Variants in LIMCH1 observed in about 807,000 individuals in gnomAD.
LIMCH1 encodes the protein LIM and calponin homology domains 1.
Under a neutral mutation model 176.5 loss-of-function variants are expected in LIMCH1, and 113 were observed. The observed-to-expected ratio is 0.64, with a 90% CI of 0.55 to 0.75. The LOEUF (loss-of-function observed/expected upper bound fraction) is 0.75. Among genes scored for constraint, LIMCH1 ranks in the 30% least tolerant of loss-of-function variants. LIMCH1 has a pLI of 0.00. For synonymous variants in LIMCH1, 619 were observed against 645.9 expected, an observed-to-expected ratio of 0.96 and a Z score of 0.63; for missense variants, 1,674 against 1,814.9, an observed-to-expected ratio of 0.92 and a Z score of 1.41.
chr4:41,621,834 G>T lies in LIMCH1; in HGVS notation c.725+1144G>T, dbSNP rs146045156. Among the ~76,000 whole-genome samples the T allele has an allele frequency of 6.7e-3, 1,026 of 152,252 alleles. 22 individuals are homozygous for T. The highest frequency in any genetic ancestry group is 0.023 in the African/African-American group (975 of 41,520). The stretch of plus-strand genomic sequence containing the variant: ...ACCGACCTGGTGATCAGATTCGGAT[G>T]CTCTGACCACAGCACCACATCTGCC... On this transcript the variant is annotated intron_variant, in intron 7 of 31. Transcript: ENST00000503057.
At chr4:41,405,017 C>CT in intron 1 of LIMCH1, among the ~76,000 whole-genome samples, 1 of 151,938 alleles carries the variant, frequency 6.6e-6, no homozygotes, top group East Asian at 1.9e-4. Context: ...TTTTTTCTGT[C>CT]TTGTCAATTT....
chr4:41,624,061 G>C (rs2092773295), intron 7 of LIMCH1, among the ~76,000 whole-genome samples: 1 of 152,134 alleles, frequency 6.6e-6, no homozygotes, highest in African/African-American at 2.4e-5. Context: ...TTTTTAAGAG[G>C]ATAAAATAAG....
Position 41,620,411 on chromosome 4 carries a change from T to C in LIMCH1, c.459-13T>C. On this transcript the variant is annotated splice_polypyrimidine_tract_variant and intron_variant, in intron 6 of 31. Transcript: ENST00000503057. ...TCTGTTAGTTTGGTAAACCATATTG[T>C]CCAACTCACTAGCTTTCCTGAAACG... The C allele has an allele frequency of 6.5e-7, 1 of 1,534,418 alleles. No homozygotes were observed. The highest frequency in any genetic ancestry group is 8.7e-7 in the Non-Finnish European group (1 of 1,146,072).
intron 1 of LIMCH1, among the ~76,000 whole-genome samples, chr4:41,383,215 G>A (rs2055979400): frequency 6.6e-6 from 1 of 152,216 alleles, no homozygotes. Context: ...TGTTTGGTCT[G>A]GAGGTAGGTG....
At chr4:41,404,151 A>G (rs2058732192) in intron 1 of LIMCH1, among the ~76,000 whole-genome samples, 1 of 152,140 alleles carries the variant, frequency 6.6e-6, no homozygotes, top group Admixed American at 6.5e-5. Flanking sequence ...TGCTCATGCT[A>G]TATATCCAAT....
chr4:41,620,898 G>A (rs1382053798), intron 7 of LIMCH1, among the ~76,000 whole-genome samples: 1 of 152,244 alleles, frequency 6.6e-6, no homozygotes, highest in Non-Finnish European at 1.5e-5. Context: ...AAATGAAGGT[G>A]AAGAGTGAGC....
intron 2 of LIMCH1, among the ~76,000 whole-genome samples, chr4:41,519,187 A>G (rs1320613461): frequency 6.6e-6 from 1 of 152,218 alleles, no homozygotes; most frequent in African/African-American, 2.4e-5. Flanking sequence ...CGAGACACGT[A>G]TGTGCACCAT....
intron 23 of LIMCH1, among the ~76,000 whole-genome samples, chr4:41,677,017 G>C (rs566850813): frequency 6.6e-6 from 1 of 151,944 alleles, no homozygotes; most frequent in South Asian, 2.1e-4. Context: ...ACAAAAATTA[G>C]CTGGGCATGG....
At chr4:41,560,393 G>A (rs2081912982) in intron 1 of LIMCH1, among the ~76,000 whole-genome samples, 1 of 152,156 alleles carries the variant, frequency 6.6e-6, no homozygotes, top group South Asian at 2.1e-4. Context: ...GGCCACACAA[G>A]TCTGACTGTC....
chr4:41,415,011 C>T (rs1299663911), intron 1 of LIMCH1, among the ~76,000 whole-genome samples: 1 of 152,066 alleles, frequency 6.6e-6, no homozygotes, highest in Non-Finnish European at 1.5e-5. Flanking sequence ...ATATATACTA[C>T]AGGAATAACA....
chr4:41,653,440 A>G (rs1354685472), intron 18 of LIMCH1, among the ~76,000 whole-genome samples: 2 of 151,976 alleles, frequency 1.3e-5, no homozygotes, highest in East Asian at 3.9e-4. Flanking sequence ...ACCAGCTTGG[A>G]CTTCATTTTC....
intron 2 of LIMCH1, among the ~76,000 whole-genome samples, chr4:41,500,514 A>G (rs1397788854): frequency 3.3e-5 from 5 of 152,230 alleles, no homozygotes; most frequent in Non-Finnish European, 7.3e-5. Flanking sequence ...CAGAATATAG[A>G]ACATCTAAGA....
chr4:41,675,885 T>C (rs1435669612), intron 22 of LIMCH1, among the ~76,000 whole-genome samples: 1 of 152,250 alleles, frequency 6.6e-6, no homozygotes, highest in African/African-American at 2.4e-5. Context: ...CTGGTGAGCA[T>C]TGGTGAGTTA....
intron 1 of LIMCH1, among the ~76,000 whole-genome samples, chr4:41,588,847 C>A (rs2086953900): frequency 1.3e-5 from 2 of 152,070 alleles, no homozygotes; most frequent in Admixed American, 6.5e-5. Flanking sequence ...TTTCTTCTCC[C>A]AAACCAACTT....
chr4:41,536,396 T>C (rs533712942), upstream of LIMCH1, among the ~76,000 whole-genome samples: 1 of 152,340 alleles, frequency 6.6e-6, no homozygotes, highest in South Asian at 2.1e-4. Context: ...AGGTCTACCT[T>C]CATCTCAAAT....
intron 1 of LIMCH1, among the ~76,000 whole-genome samples, chr4:41,394,314 G>T (rs1387070027): frequency 2.0e-5 from 3 of 152,014 alleles, no homozygotes; most frequent in Non-Finnish European, 4.4e-5. Context: ...AGATTCTTGG[G>T]TTACACTTAA....
At chr4:41,599,580 A>G (rs2089558596) in intron 2 of LIMCH1, among the ~76,000 whole-genome samples, 1 of 152,362 alleles carries the variant, frequency 6.6e-6, no homozygotes, top group East Asian at 1.9e-4. Flanking sequence ...GAATGTCACA[A>G]TAAAAGAGAC....
chr4:41,616,309 C>G (rs1414898012), intron 5 of LIMCH1, among the ~76,000 whole-genome samples: 1 of 151,902 alleles, frequency 6.6e-6, no homozygotes, highest in Non-Finnish European at 1.5e-5. Flanking sequence ...GAGTAGATCA[C>G]CTGAGGTCAG....
intron 20 of LIMCH1, among the ~76,000 whole-genome samples, chr4:41,663,851 C>CAAAAAAAAAA (rs2094718425): frequency 2.2e-5 from 1 of 45,272 alleles, no homozygotes; most frequent in Non-Finnish European, 4.3e-5. Flanking sequence ...GTCTTCATCT[C>CAAAAAAAAAA]TAAAAAAAAA....
Sources: allele counts gnomAD v4.1 joint callset (sites outside exome capture counted in the v4.1 genomes callset), GRCh38; gene constraint gnomAD v4.1.1; transcripts MANE v1.5; gene names NCBI Gene and HGNC (gene_info 2026-07-23, HGNC 2026-07-21).